GAB1: variants seen among roughly 807,000 people sequenced by gnomAD.
GAB1 encodes the protein GRB2 associated binding protein 1.
A neutral mutation model predicts 66.5 loss-of-function variants in GAB1; 19 were observed. That is an observed-to-expected ratio of 0.29 (90% CI 0.20 to 0.42). The LOEUF (loss-of-function observed/expected upper bound fraction) is 0.42, where lower values mean the gene tolerates loss of function less well. Ranked by LOEUF, GAB1 falls within the 10% of genes least tolerant of loss-of-function variation. The pLI is 1.00. For synonymous variants in GAB1, 294 were observed against 301.4 expected, an observed-to-expected ratio of 0.98 and a Z score of 0.25; for missense variants, 732 against 858.5, an observed-to-expected ratio of 0.85 and a Z score of 1.84.
At chr4:143,413,848 T>TGAG (rs201697117) in intron 1 of GAB1, among the ~76,000 whole-genome samples, 1 of 130,748 alleles carries the variant, frequency 7.6e-6, no homozygotes, top group Non-Finnish European at 1.6e-5. Context: ...TTTTTTTTTT[T>TGAG]GAGGAGGAGT....
intron 1 of GAB1, among the ~76,000 whole-genome samples, chr4:143,394,050 G>C (rs920666769): frequency 1.3e-5 from 2 of 152,206 alleles, no homozygotes; most frequent in Non-Finnish European, 2.9e-5. Flanking sequence ...AAGGCAGACA[G>C]ATCAGGAGGT....
intron 2 of GAB1, among the ~76,000 whole-genome samples, chr4:143,432,631 C>T (rs1450712276): frequency 2.0e-5 from 3 of 152,138 alleles, no homozygotes; most frequent in Admixed American, 2.0e-4. Flanking sequence ...CATGTATGAG[C>T]ATTTGCCTTT....
At chr4:143,410,196 A>G (rs1283345001) in intron 1 of GAB1, among the ~76,000 whole-genome samples, 1 of 152,116 alleles carries the variant, frequency 6.6e-6, no homozygotes, top group Non-Finnish European at 1.5e-5. Flanking sequence ...CTCTTCCAGT[A>G]AAGGTACAGG....
chr4:143,413,824 CTTTT>C (rs35422180), intron 1 of GAB1, among the ~76,000 whole-genome samples: 166 of 67,816 alleles, frequency 2.4e-3, no homozygotes, highest in Non-Finnish European at 3.4e-3. Context: ...CCCCGCTGCC[CTTTT>C]TTTTTTTTTT....
At chr4:143,349,557 C>T in intron 1 of GAB1, 1 of 1,506,726 alleles carries the variant, frequency 6.6e-7, no homozygotes, top group South Asian at 1.2e-5. Flanking sequence ...TGCCAGTGCC[C>T]CTGGGTGCAG....
chr4:143,351,661 C>T (rs1004432745), intron 1 of GAB1, among the ~76,000 whole-genome samples: 1 of 152,194 alleles, frequency 6.6e-6, no homozygotes, highest in Non-Finnish European at 1.5e-5. Context: ...CCCTTCCCCA[C>T]TTCCATATCA....
In GAB1 at chr4:143,435,943, G is replaced by A. The variant is rs550203760; in HGVS notation, c.594-2056G>A. Among the ~76,000 whole-genome samples the A allele has an allele frequency of 2.0e-4, 30 of 152,180 alleles. 1 individual carries two copies. In the East Asian group the frequency reaches 4.2e-3, roughly 22 times the overall value. ...TTATGCCTTCATATCTTGTTTTATC[G>A]CAGTGTTAGAAACGATGTTTTTACT... On this transcript the variant is annotated intron_variant, in intron 3 of 9. Coordinates refer to ENST00000262994, the MANE Select transcript of GAB1 (RefSeq NM_002039.4).
At chr4:143,350,743 G>T (rs913400269) in intron 1 of GAB1, among the ~76,000 whole-genome samples, 1 of 150,730 alleles carries the variant, frequency 6.6e-6, no homozygotes, top group African/African-American at 2.4e-5. Flanking sequence ...AAAAAATTAT[G>T]TATAGATTTA....
intron 1 of GAB1, among the ~76,000 whole-genome samples, chr4:143,404,232 G>T (rs1232068640): frequency 2.0e-5 from 3 of 152,130 alleles, no homozygotes; most frequent in Admixed American, 1.3e-4. Flanking sequence ...ATTTTTTGAA[G>T]ATAAATTTTC....
intron 1 of GAB1, among the ~76,000 whole-genome samples, chr4:143,382,477 G>A (rs1730696815): frequency 1.3e-5 from 2 of 152,164 alleles, no homozygotes; most frequent in African/African-American, 4.8e-5. Context: ...GGGACTTGGG[G>A]AAACTATGCT....
intron 1 of GAB1, among the ~76,000 whole-genome samples, chr4:143,409,195 A>C (rs1348853306): frequency 6.6e-6 from 1 of 152,172 alleles, no homozygotes; most frequent in African/African-American, 2.4e-5. Flanking sequence ...GTCTTGAAGG[A>C]TGAGTAGGAG....
At chr4:143,361,998 A>G (rs559452645) in intron 1 of GAB1, among the ~76,000 whole-genome samples, 5 of 151,812 alleles carry the variant, frequency 3.3e-5, no homozygotes, top group South Asian at 2.1e-4. Context: ...GGCTCAAGCA[A>G]TCCCCCCACC....
chr4:143,469,018 C>A lies in GAB1; in HGVS notation c.1927-13C>A. 6.2e-7 allele frequency: 1 copy of A among 1,608,324 alleles called. No individual in the cohort carries two copies. The highest frequency in any genetic ancestry group is 8.5e-7 in the Non-Finnish European group (1 of 1,177,776). The stretch of plus-strand genomic sequence containing the variant: ...TTATATGTTGGACTTTTTGTTTTTT[C>A]TTTGTGTTTTAGCAAAAGAGCAGTG... On this transcript the variant is annotated splice_polypyrimidine_tract_variant and intron_variant, in intron 9 of 9. Transcript: ENST00000262994.
In GAB1 at chr4:143,425,012, G is replaced by T. The variant is rs1394771839; in HGVS notation, c.368-8479G>T. 4.5e-5 allele frequency: 32 copies of T among 715,616 alleles called. 1 individual carries two copies. Among genetic ancestry groups the T allele is most frequent in the South Asian group, 4.4e-4 (30 of 68,580 alleles). 44.3% of individuals were successfully genotyped at this position (715,616 alleles called of 1,614,324 possible). A position where few individuals can be genotyped will look rare whatever the true frequency, so the allele number is the denominator to read the frequency against. On this transcript the variant is annotated intron_variant, in intron 2 of 9. Transcript: ENST00000262994. Reference sequence around the variant, plus strand: ...CCCACAGAGGGGTCCATACGGCGTTGTTCTGGATTCCCGTTGTAACTTAAA... The same window carrying T: ...CCCACAGAGGGGTCCATACGGCGTTTTTCTGGATTCCCGTTGTAACTTAAA...
At chr4:143,351,012 G>A (rs1327092441) in intron 1 of GAB1, among the ~76,000 whole-genome samples, 1 of 152,192 alleles carries the variant, frequency 6.6e-6, no homozygotes, top group Non-Finnish European at 1.5e-5. Context: ...CTCTAGGGGA[G>A]CATACAGACC....
chr4:143,362,378 G>A (rs113706482), intron 1 of GAB1, among the ~76,000 whole-genome samples: 1 of 152,134 alleles, frequency 6.6e-6, no homozygotes, highest in African/African-American at 2.4e-5. Flanking sequence ...AGACAAATCT[G>A]TGGAGTAAAG....
chr4:143,343,258 T>A (rs1249959556), intron 1 of GAB1, among the ~76,000 whole-genome samples: 1 of 152,196 alleles, frequency 6.6e-6, no homozygotes, highest in Non-Finnish European at 1.5e-5. Flanking sequence ...AGCTCTTCAA[T>A]AAGCTGCAAC....
At chr4:143,406,704 ACAC>A (rs1318034745) in intron 1 of GAB1, among the ~76,000 whole-genome samples, 2 of 152,212 alleles carry the variant, frequency 1.3e-5, no homozygotes, top group Non-Finnish European at 2.9e-5. Flanking sequence ...TTCCCAGTAC[ACAC>A]AGCTGTGGGT....
At chr4:143,442,567 T>A (rs911168422) in intron 6 of GAB1, among the ~76,000 whole-genome samples, 10 of 152,180 alleles carry the variant, frequency 6.6e-5, no homozygotes, top group African/African-American at 2.4e-4. Context: ...AGGTCTGATA[T>A]CACTCATGTA....
Sources: allele counts gnomAD v4.1 joint callset (sites outside exome capture counted in the v4.1 genomes callset), GRCh38; gene constraint gnomAD v4.1.1; transcripts MANE v1.5; gene names NCBI Gene and HGNC (gene_info 2026-07-23, HGNC 2026-07-21).